The following GSE1 variants were observed in gnomAD, a reference collection of about 807,000 sequenced individuals.
GSE1 encodes Gse1 coiled-coil protein, also known as genetic suppressor element 1.
GSE1 carries 32 observed loss-of-function variants against 112.6 expected under a neutral mutation model. The ratio of observed to expected loss-of-function variants is 0.28; its 90% CI spans 0.21 to 0.38. The LOEUF (loss-of-function observed/expected upper bound fraction) is 0.38, where lower values mean the gene tolerates loss of function less well. GSE1 is among the 10% of genes least tolerant of loss of function. The probability of loss-of-function intolerance (pLI) is 1.00; values close to 1 mark genes in which losing one functional copy is unlikely to be tolerated. For synonymous variants in GSE1, 1,115 were observed against 735.6 expected (o/e 1.52, Z -8.35); for missense variants, 2,348 against 1,699.2 (o/e 1.38, Z -6.71).
chr16:85,655,874 G>T lies in GSE1; in HGVS notation c.946G>T (p.Ala316Ser). The change falls in exon 6 of 16, where the codon GCA becomes TCA. Residue 316 changes from alanine (A) to serine (S), a missense_variant. By Grantham distance (99) the Ala-to-Ser change is moderately conservative. Transcript: ENST00000253458. Reference sequence around the variant, plus strand: ...TCCCGAGCTCTCCCACTCATCCCTGGCAGCGCTGCACTCGGAGCGCATGTC... The same window carrying T: ...TCCCGAGCTCTCCCACTCATCCCTGTCAGCGCTGCACTCGGAGCGCATGTC... ...YPPELSHSSLAALHSERMSGL... is the reference protein window; with the variant it reads ...YPPELSHSSLSALHSERMSGL... The T allele has an allele frequency of 6.2e-7, 1 of 1,608,094 alleles. No homozygotes were observed. Among genetic ancestry groups the T allele is most frequent in the Non-Finnish European group, 8.5e-7 (1 of 1,179,874 alleles).
intron 13 of GSE1, among the ~76,000 whole-genome samples, chr16:85,667,688 G>T (rs866402474): frequency 6.6e-5 from 10 of 152,148 alleles, no homozygotes; most frequent in African/African-American, 2.2e-4. Context: ...GCGAAACCCT[G>T]TTTCTACTAA....
chr16:85,662,805 CCCAGGACTGGGTTAATGTTGG>C, intron 9 of GSE1, 155 bp from the exon 10 acceptor site: 1 of 590,854 alleles, frequency 1.7e-6, no homozygotes, highest in Non-Finnish European at 3.0e-6. Flanking sequence ...CCTGCAAAGC[CCCAGGACTGGGTTAATGTTGG>C]TTTCCACCTC....
intron 2 of GSE1, among the ~76,000 whole-genome samples, chr16:85,526,901 G>A (rs758025334): frequency 5.9e-5 from 9 of 152,238 alleles, no homozygotes; most frequent in Non-Finnish European, 1.2e-4. Context: ...TTTTGTTCAG[G>A]ATGAATTAAG....
chr16:85,532,260 G>C (rs1420547749), intron 2 of GSE1, among the ~76,000 whole-genome samples: 1 of 152,068 alleles, frequency 6.6e-6, no homozygotes, highest in Non-Finnish European at 1.5e-5. Flanking sequence ...GTAGAGCTGG[G>C]ATCATTTTGT....
At chr16:85,432,039 C>T (rs926878355) in intron 2 of GSE1, among the ~76,000 whole-genome samples, 4 of 152,198 alleles carry the variant, frequency 2.6e-5, no homozygotes, top group South Asian at 2.1e-4. Flanking sequence ...CGGAGGTGAC[C>T]GTCTAGCTGC....
intron 1 of GSE1, among the ~76,000 whole-genome samples, chr16:85,331,365 G>A (rs113021211): frequency 0.76 from 76,129 of 100,702 alleles, 29,145 homozygotes; most frequent in East Asian, 0.81. Flanking sequence ...GTGTGTGTGT[G>A]TATATATGTA....
chr16:85,322,224 C>T (rs538300194), intron 1 of GSE1, among the ~76,000 whole-genome samples: 2 of 143,940 alleles, frequency 1.4e-5, no homozygotes, highest in African/African-American at 5.0e-5. Flanking sequence ...GGAAACAGAG[C>T]GGCCTCTGCC....
At chr16:85,668,089 C>T in intron 13 of GSE1, 51 bp from the exon 14 acceptor site, 1 of 1,423,342 alleles carries the variant, frequency 7.0e-7, no homozygotes, top group Non-Finnish European at 9.6e-7. Context: ...TGAGACAGCA[C>T]CCTGTGTCCC....
intron 1 of GSE1, among the ~76,000 whole-genome samples, chr16:85,222,315 C>T (rs544888179): frequency 2.4e-4 from 36 of 152,352 alleles, no homozygotes; most frequent in African/African-American, 6.5e-4. Context: ...GGCCAGCGCA[C>T]GGCTCTCCAG....
chr16:85,488,419 T>C (rs1030634610), intron 2 of GSE1, among the ~76,000 whole-genome samples: 1 of 152,144 alleles, frequency 6.6e-6, no homozygotes, highest in Non-Finnish European at 1.5e-5. Context: ...AGCCAGCACG[T>C]TACAGCCTAC....
intron 1 of GSE1, among the ~76,000 whole-genome samples, chr16:85,271,914 C>T (rs1908874192): frequency 6.6e-6 from 1 of 152,188 alleles, no homozygotes; most frequent in African/African-American, 2.4e-5. Context: ...GGGGTCAGGG[C>T]ACCTCAGGAG....
intron 1 of GSE1, among the ~76,000 whole-genome samples, chr16:85,251,901 A>G (rs1387731736): frequency 6.6e-6 from 1 of 152,224 alleles, no homozygotes; most frequent in African/African-American, 2.4e-5. Context: ...CTGTGTGCTC[A>G]GAGCCAGCCA....
At chr16:85,188,577 G>A (rs2074756830) in intron 1 of GSE1, among the ~76,000 whole-genome samples, 1 of 152,050 alleles carries the variant, frequency 6.6e-6, no homozygotes, top group South Asian at 2.1e-4. Flanking sequence ...TAAGGCAGGA[G>A]GATCACTTGA....
rs534950915 is a variant in GSE1, at chr16:85,523,333, G to A, written c.2465-110581G>A. On this transcript the variant is annotated intron_variant, in intron 2 of 2. Transcript: ENST00000637419. ...TTGTGCGTGCCCTGTGTGTGCGTGC[G>A]TGCATGGGGCATCCTGCCTGTCCAG... 2.1e-3 allele frequency among the ~76,000 whole-genome samples: 325 copies of A among 152,296 alleles called. 2 individuals are homozygous for A. The highest frequency in any genetic ancestry group is 7.4e-3 in the African/African-American group (307 of 41,550).
chr16:85,284,199 G>A (rs1032161911), intron 1 of GSE1, among the ~76,000 whole-genome samples: 2 of 152,360 alleles, frequency 1.3e-5, no homozygotes, highest in South Asian at 2.1e-4. Flanking sequence ...GAATCTGCCC[G>A]GCGGGTCGTG....
At chr16:85,645,491 C>T (rs4531756) in intron 2 of GSE1, among the ~76,000 whole-genome samples, 8,666 of 152,186 alleles carry the variant, frequency 0.057, 873 homozygotes, top group African/African-American at 0.2. Flanking sequence ...GACTTGCCCT[C>T]GGGACAGGGC....
rs2051727838 is a variant in GSE1 at position 85,511,052 on chromosome 16, T to C, written c.2465-122862T>C. On this transcript the variant is annotated intron_variant, in intron 2 of 2. Transcript: ENST00000637419. Reference sequence around the variant, plus strand: ...AGCTCCATGAAGACAAGGGCTGCGCTCTTGTTTCTTCACTCCTATGTCCTC... The same window carrying C: ...AGCTCCATGAAGACAAGGGCTGCGCCCTTGTTTCTTCACTCCTATGTCCTC... Among the ~76,000 whole-genome samples the C allele has an allele frequency of 2.0e-5, 3 of 152,196 alleles. 1 individual carries two copies. The South Asian group carries it at 6.2e-4, about 31-fold the overall frequency.
intron 2 of GSE1, among the ~76,000 whole-genome samples, chr16:85,366,283 G>A (rs569393718): frequency 6.6e-6 from 1 of 152,348 alleles, no homozygotes; most frequent in East Asian, 1.9e-4. Context: ...GGCTGGATTT[G>A]GCTGTGGCTT....
At chr16:85,508,285 C>T (rs1262303609) in intron 2 of GSE1, among the ~76,000 whole-genome samples, 9 of 152,200 alleles carry the variant, frequency 5.9e-5, no homozygotes, top group Non-Finnish European at 8.8e-5. Flanking sequence ...CCACCCGCTT[C>T]GGCCTCCCAA....
Sources: gnomAD v4.1 joint callset for allele counts (sites outside exome capture counted in the v4.1 genomes callset) on GRCh38, gnomAD v4.1.1 for gene constraint, MANE v1.5 for transcripts, NCBI Gene and HGNC (gene_info 2026-07-23, HGNC 2026-07-21) for gene names.